Variants in BOLL observed in about 807,000 individuals in gnomAD.
BOLL encodes boule RNA binding protein.
BOLL carries 23 observed loss-of-function variants against 44.4 expected under a neutral mutation model. That is an observed-to-expected ratio of 0.52 (90% confidence interval 0.37 to 0.73). The LOEUF (loss-of-function observed/expected upper bound fraction) is 0.73. Ranked by LOEUF, BOLL falls within the 30% of genes least tolerant of loss-of-function variation. The pLI, the probability that BOLL is intolerant of heterozygous loss-of-function variation, is 0.00. For synonymous variants in BOLL, 97 were observed against 110.8 expected (o/e 0.88, Z 0.78); for missense variants, 287 against 338.3 (o/e 0.85, Z 1.19).
chr2:197,735,107 C>T (rs549928439), intron 10 of BOLL, among the ~76,000 whole-genome samples: 31 of 152,100 alleles, frequency 2.0e-4, no homozygotes, highest in African/African-American at 6.5e-4. Context: ...GTAAAAGTTA[C>T]TGTAAAATTT....
chr2:197,750,623 A>G (rs1228559497), intron 9 of BOLL, among the ~76,000 whole-genome samples: 2 of 152,242 alleles, frequency 1.3e-5, no homozygotes, highest in Non-Finnish European at 2.9e-5. Flanking sequence ...TGCACCCAAT[A>G]CAGGAGCACC....
chr2:197,784,934 A>G (rs1689999915), intron 1 of BOLL, 122 bp downstream of exon 1: 1 of 986,398 alleles, frequency 1.0e-6, no homozygotes, highest in Non-Finnish European at 1.2e-6. Flanking sequence ...TTCCAGCACT[A>G]GAGAGTTTAT....
rs990284222 is a variant in BOLL at position 197,742,344 on chromosome 2, G to C, written c.828+717C>G. On this transcript the variant is annotated intron_variant, in intron 10 of 10. Transcript: ENST00000392296. ...TACCCAAAGGACTACAAATCATGCT[G>C]CTATAAAGACACATGCACACGTATG... is the stretch of plus-strand genomic sequence containing the variant. Among the ~76,000 whole-genome samples the C allele has an allele frequency of 1.1e-4, 16 of 152,260 alleles. 1 individual carries two copies. Among genetic ancestry groups the C allele is most frequent in the African/African-American group, 3.6e-4 (15 of 41,546 alleles).
intron 5 of BOLL, chr2:197,773,923 A>T (rs894991330): frequency 3.5e-5 from 13 of 375,226 alleles, no homozygotes; most frequent in African/African-American, 2.6e-4. Context: ...GGTGTTGGTA[A>T]TGGAGATGGA....
In BOLL at chr2:197,779,240, C is replaced by T. The variant is rs1409741950; in HGVS notation, c.130-174G>A. Among the ~76,000 whole-genome samples, 3 of 152,034 alleles carry T rather than the reference C, an allele frequency of 2.0e-5. No homozygotes were observed. The East Asian group carries it at 5.8e-4, about 29-fold the overall frequency. ...GATTAAAATCAAGGTAAATATCTTG[C>T]TTTATGCAATAGCTATGTTGTTAAA... On this transcript the variant is annotated intron_variant, in intron 2 of 10. Coordinates refer to ENST00000392296, the MANE Select transcript of BOLL (RefSeq NM_033030.6).
chr2:197,754,632 C>G (rs200958782), intron 9 of BOLL, among the ~76,000 whole-genome samples: 1 of 151,826 alleles, frequency 6.6e-6, no homozygotes, highest in Non-Finnish European at 1.5e-5. Flanking sequence ...GAGAATCACT[C>G]GAACCTGGGA....
At chr2:197,758,108 T>C (rs547539621) in intron 7 of BOLL, among the ~76,000 whole-genome samples, 2 of 152,292 alleles carry the variant, frequency 1.3e-5, no homozygotes, top group Admixed American at 1.3e-4. Flanking sequence ...CCTTAAAAGG[T>C]TAAACAAAGT....
At chr2:197,742,429 G>A (rs1050096785) in intron 10 of BOLL, among the ~76,000 whole-genome samples, 5 of 152,142 alleles carry the variant, frequency 3.3e-5, no homozygotes, top group Admixed American at 1.3e-4. Flanking sequence ...GTCCAACAAC[G>A]ATAGACTGGA....
Position 197,728,494 on chromosome 2 carries a change from G to C in BOLL, c.*61C>G. 3.7e-6 allele frequency: 6 copies of C among 1,613,708 alleles called. No homozygotes were observed. Among genetic ancestry groups the C allele is most frequent in the African/African-American group, 1.3e-5 (1 of 75,010 alleles). Reference sequence around the variant, plus strand: ...AGCTGGTTCGTTGAAGCTGGATCTCGGCCACGCAAGGATCATTGGACAAGA... The same window carrying C: ...AGCTGGTTCGTTGAAGCTGGATCTCCGCCACGCAAGGATCATTGGACAAGA... On this transcript the variant is annotated 3_prime_UTR_variant, in exon 11 of 11. Transcript: ENST00000392296.
At chr2:197,770,994 C>CTGGG (rs1689225853) in intron 6 of BOLL, among the ~76,000 whole-genome samples, 1 of 152,088 alleles carries the variant, frequency 6.6e-6, no homozygotes, top group South Asian at 2.1e-4. Flanking sequence ...CATCCCATTA[C>CTGGG]TGGGTATATA....
At chr2:197,731,930 C>A (rs1687202395) in intron 10 of BOLL, among the ~76,000 whole-genome samples, 1 of 150,816 alleles carries the variant, frequency 6.6e-6, no homozygotes, top group South Asian at 2.1e-4. Context: ...CAAACACATT[C>A]AAAAGCTAGC....
In BOLL at chr2:197,771,756, A is replaced by T. The variant is rs1484387444; in HGVS notation, c.480+99T>A. On this transcript the variant is annotated intron_variant, in intron 6 of 10. Transcript: ENST00000392296. ...TTTAATTTGGTTGATGTGTGTTATTATTTGTAATTATCTGTGGTTAAGATA... is the reference window on the plus strand; with the variant it reads ...TTTAATTTGGTTGATGTGTGTTATTTTTTGTAATTATCTGTGGTTAAGATA... 2.3e-6 allele frequency: 3 copies of T among 1,298,338 alleles called. No homozygotes were observed. The African/African-American group carries it at 4.7e-5, about 20-fold the overall frequency. 80.4% of individuals were successfully genotyped at this position (1,298,338 alleles called of 1,614,324 possible). A position where few individuals can be genotyped will look rare whatever the true frequency, so the allele number is the denominator to read the frequency against.
intron 7 of BOLL, among the ~76,000 whole-genome samples, chr2:197,762,331 G>A (rs1065949): frequency 0.49 from 75,153 of 151,830 alleles, 19,248 homozygotes; most frequent in African/African-American, 0.6. Context: ...GTGACAGAGC[G>A]AGATTCCTTC....
At chr2:197,760,301 G>A (rs1217473371) in intron 7 of BOLL, among the ~76,000 whole-genome samples, 2 of 152,158 alleles carry the variant, frequency 1.3e-5, no homozygotes, top group African/African-American at 2.4e-5. Context: ...ATCCTGAGCC[G>A]GAGAAACAGC....
intron 10 of BOLL, among the ~76,000 whole-genome samples, chr2:197,739,558 CA>C (rs1321109912): frequency 1.1e-4 from 17 of 152,164 alleles, no homozygotes; most frequent in African/African-American, 4.1e-4. Context: ...CTCCTGGCTT[CA>C]AGCAATCCTC....
chr2:197,767,686 T>C (rs924580804), intron 6 of BOLL, among the ~76,000 whole-genome samples: 4 of 151,882 alleles, frequency 2.6e-5, no homozygotes, highest in South Asian at 2.1e-4. Flanking sequence ...ATGGGGAGCC[T>C]AGGGATACTT....
intron 10 of BOLL, among the ~76,000 whole-genome samples, chr2:197,737,185 G>A (rs1443305470): frequency 6.6e-6 from 1 of 151,934 alleles, no homozygotes; most frequent in Admixed American, 6.6e-5. Context: ...TAATACATAC[G>A]TTCTTATACA....
At chr2:197,759,581 A>T (rs1331021433) in intron 7 of BOLL, among the ~76,000 whole-genome samples, 1 of 152,122 alleles carries the variant, frequency 6.6e-6, no homozygotes, top group Non-Finnish European at 1.5e-5. Flanking sequence ...TCATTCTGCC[A>T]AGTACACACC....
intron 1 of BOLL, 50 bp from the exon 2 acceptor site, chr2:197,781,915 T>G (rs748237628): frequency 1.4e-6 from 2 of 1,420,932 alleles, no homozygotes; most frequent in South Asian, 3.7e-5. Flanking sequence ...TAATGCAGTC[T>G]GCTTTTGATG....
Sources: gnomAD v4.1 joint callset for allele counts (sites outside exome capture counted in the v4.1 genomes callset) on GRCh38, gnomAD v4.1.1 for gene constraint, MANE v1.5 for transcripts, NCBI Gene and HGNC (gene_info 2026-07-23, HGNC 2026-07-21) for gene names.